PDIA5: variants seen among roughly 807,000 people sequenced by gnomAD.
PDIA5 encodes protein disulfide isomerase family A member 5.
In PDIA5, 58 loss-of-function variants were observed where a neutral mutation model predicts 77.6. The observed-to-expected ratio is 0.75, with a 90% CI of 0.61 to 0.93. The LOEUF is 0.93. Ranked by LOEUF, PDIA5 falls within the 40% of genes least tolerant of loss-of-function variation. The probability of loss-of-function intolerance (pLI) is 0.00; values close to 1 mark genes in which losing one functional copy is unlikely to be tolerated. For missense variants in PDIA5, 630 were observed against 647.7 expected (o/e 0.97, Z 0.30); for synonymous variants, 250 against 252.1 (o/e 0.99, Z 0.08).
chr3:123,117,433 C>G (rs1189360009), intron 8 of PDIA5, among the ~76,000 whole-genome samples: 2 of 131,318 alleles, frequency 1.5e-5, no homozygotes, highest in Non-Finnish European at 3.2e-5. Context: ...CTATGTTGCC[C>G]AGGTTGGACT....
intron 11 of PDIA5, among the ~76,000 whole-genome samples, chr3:123,139,077 T>A (rs1047323261): frequency 6.6e-6 from 1 of 152,204 alleles, no homozygotes; most frequent in African/African-American, 2.4e-5. Flanking sequence ...GGAGTTGATG[T>A]GCAGACCTCT....
intron 11 of PDIA5, among the ~76,000 whole-genome samples, chr3:123,131,519 C>A (rs1935371655): frequency 6.7e-6 from 1 of 150,218 alleles, no homozygotes; most frequent in South Asian, 2.1e-4. Context: ...TGGTCGCGGG[C>A]TGAGGCCCCA....
At chr3:123,089,006 G>A (rs1934213459) in intron 1 of PDIA5, 162 bp from the exon 2 acceptor site, 2 of 599,690 alleles carry the variant, frequency 3.3e-6, no homozygotes, top group Non-Finnish European at 5.7e-6. Context: ...GGGCTGGGGA[G>A]TGTCCCTAGA....
intron 11 of PDIA5, among the ~76,000 whole-genome samples, chr3:123,131,375 G>A (rs1233990085): frequency 5.3e-5 from 8 of 151,618 alleles, no homozygotes; most frequent in Non-Finnish European, 1.0e-4. Context: ...AGCCAAGATT[G>A]TGCCACTGCA....
Position 123,067,177 on chromosome 3 carries a change from G to A in PDIA5, c.13G>A (p.Gly5Arg). Residue 5 changes from glycine to arginine, a missense_variant, in exon 1 of 17, where the codon GGG becomes AGG. Physicochemically the swap from Gly to Arg is moderately radical, Grantham distance 125. Coordinates refer to ENST00000316218, the MANE Select transcript of PDIA5 (RefSeq NM_006810.4). MARA[G>R]PAWLLLAIWV... ...CAGCGCTGCTGGGATGGCGCGGGCC[G>A]GGCCGGCGTGGCTGCTGCTGGCAAT... 2 of 1,246,634 alleles carry A rather than the reference G, an allele frequency of 1.6e-6. No individual in the cohort carries two copies. Among genetic ancestry groups the A allele is most frequent in the South Asian group, 4.0e-5 (1 of 25,292 alleles). The allele number at this position is 1,246,634 out of a possible 1,614,324, so 77.2% of individuals were successfully genotyped here. A position where few individuals can be genotyped will look rare whatever the true frequency, so the allele number is the denominator to read the frequency against.
chr3:123,072,835 A>C (rs1933757032), intron 1 of PDIA5, among the ~76,000 whole-genome samples: 1 of 151,964 alleles, frequency 6.6e-6, no homozygotes, highest in Non-Finnish European at 1.5e-5. Flanking sequence ...AAATGAATGC[A>C]TGGGGTATAA....
intron 7 of PDIA5, 81 bp downstream of exon 7, chr3:123,111,085 G>T (rs1023747837): frequency 1.0e-5 from 10 of 954,906 alleles, no homozygotes; most frequent in Non-Finnish European, 1.7e-5. Flanking sequence ...TTGCGGGCGG[G>T]GTCTGGGGGA....
intron 15 of PDIA5, among the ~76,000 whole-genome samples, chr3:123,158,860 GA>G (rs1389935919): frequency 3.9e-5 from 6 of 152,218 alleles, no homozygotes; most frequent in Non-Finnish European, 8.8e-5. Flanking sequence ...GCATTTAGGT[GA>G]AATTTCAATA....
intron 11 of PDIA5, among the ~76,000 whole-genome samples, chr3:123,140,388 C>T (rs1193446711): frequency 1.3e-5 from 2 of 152,162 alleles, no homozygotes; most frequent in African/African-American, 2.4e-5. Context: ...TGAAAATATA[C>T]CCCGGCTGCC....
At chr3:123,093,944 G>C (rs1399090433) in intron 3 of PDIA5, among the ~76,000 whole-genome samples, 2 of 152,212 alleles carry the variant, frequency 1.3e-5, no homozygotes, top group African/African-American at 2.4e-5. Context: ...TGAAAGGCCT[G>C]CTGCTGTCCC....
intron 2 of PDIA5, among the ~76,000 whole-genome samples, chr3:123,092,003 C>G (rs1468949387): frequency 1.3e-5 from 2 of 152,184 alleles, no homozygotes; most frequent in African/African-American, 4.8e-5. Context: ...CAAAATGTAT[C>G]CCAGAAAGAC....
At chr3:123,109,162 T>C (rs910267892) in intron 6 of PDIA5, among the ~76,000 whole-genome samples, 1 of 152,232 alleles carries the variant, frequency 6.6e-6, no homozygotes, top group African/African-American at 2.4e-5. Flanking sequence ...TTTGTGCTCT[T>C]TTCTCTCCTA....
At chr3:123,116,003 G>A (rs1258009154) in intron 7 of PDIA5, among the ~76,000 whole-genome samples, 1 of 152,256 alleles carries the variant, frequency 6.6e-6, no homozygotes, top group Non-Finnish European at 1.5e-5. Context: ...ATTTATGAGT[G>A]GCTGCTGGGC....
intron 3 of PDIA5, 129 bp from the exon 4 acceptor site, chr3:123,102,281 TA>T: frequency 1.4e-6 from 1 of 698,124 alleles, no homozygotes; most frequent in Non-Finnish European, 2.6e-6. Flanking sequence ...CCATCTATAG[TA>T]AGGCCTTCAT....
intron 8 of PDIA5, among the ~76,000 whole-genome samples, 156 bp from the exon 9 acceptor site, chr3:123,123,910 G>T (rs915057822): frequency 2.0e-5 from 3 of 152,172 alleles, no homozygotes; most frequent in Non-Finnish European, 2.9e-5. Flanking sequence ...GGCTGGCTTC[G>T]CTGGCCTTGT....
rs12637753 is a variant in PDIA5, at chr3:123,148,064, C to T, written c.1142+1805C>T. ...AAGTGCTTTCAGGTTTAAATACTTT[C>T]TTAAGTGCTTTTAGGTCAAGAGCAT... On this transcript the variant is annotated intron_variant, in intron 13 of 16. Coordinates refer to ENST00000316218, the MANE Select transcript of PDIA5 (RefSeq NM_006810.4). 9.6e-3 allele frequency among the ~76,000 whole-genome samples: 1,469 copies of T among 152,278 alleles called. 61 individuals carry two copies. In the East Asian group the frequency reaches 0.13, roughly 14 times the overall value.
intron 1 of PDIA5, 59 bp from the exon 2 acceptor site, chr3:123,089,109 A>G (rs1210176378): frequency 3.8e-6 from 6 of 1,565,872 alleles, no homozygotes; most frequent in Non-Finnish European, 4.3e-6. Flanking sequence ...ATGGGCACCG[A>G]TTCTTCTGGG....
chr3:123,131,973 T>C (rs1259457067), intron 11 of PDIA5, among the ~76,000 whole-genome samples: 1 of 152,118 alleles, frequency 6.6e-6, no homozygotes, highest in Non-Finnish European at 1.5e-5. Flanking sequence ...GGTTAGTCCA[T>C]AGAGGCATAT....
intron 11 of PDIA5, among the ~76,000 whole-genome samples, chr3:123,142,222 C>T (rs1935652470): frequency 6.6e-6 from 1 of 152,240 alleles, no homozygotes; most frequent in Non-Finnish European, 1.5e-5. Context: ...GCGGGCTGCA[C>T]TTGTCCCATT....
Sources: gnomAD v4.1 joint callset for allele counts (sites outside exome capture counted in the v4.1 genomes callset) on GRCh38, gnomAD v4.1.1 for gene constraint, MANE v1.5 for transcripts, NCBI Gene and HGNC (gene_info 2026-07-23, HGNC 2026-07-21) for gene names.